Variants in ANTXR2 observed in about 807,000 individuals in gnomAD.
ANTXR2 encodes the protein ANTXR cell adhesion molecule 2, also known as anthrax toxin receptor 2.
A neutral mutation model predicts 73.7 loss-of-function variants in ANTXR2; 44 were observed. The observed-to-expected ratio is 0.60, with a 90% CI of 0.47 to 0.77. The LOEUF (loss-of-function observed/expected upper bound fraction) is 0.77, where lower values mean the gene tolerates loss of function less well. Ranked by LOEUF, ANTXR2 falls within the 30% of genes least tolerant of loss-of-function variation. The pLI is 0.00. For missense variants in ANTXR2, 604 were observed against 592.5 expected (o/e 1.02, Z -0.20); for synonymous variants, 217 against 205.9 (o/e 1.05, Z -0.46).
chr4:79,934,018 A>T (rs558599552), intron 16 of ANTXR2, among the ~76,000 whole-genome samples: 1 of 152,202 alleles, frequency 6.6e-6, no homozygotes, highest in East Asian at 1.9e-4. Context: ...GATTGCAGGC[A>T]TGAGCCATCG....
At chr4:80,040,592 C>T (rs887092783) in intron 7 of ANTXR2, among the ~76,000 whole-genome samples, 3 of 151,958 alleles carry the variant, frequency 2.0e-5, no homozygotes, top group Non-Finnish European at 4.4e-5. Context: ...ATAGCCTTAG[C>T]TGATATTAGA....
At chr4:79,978,765 TAA>T (rs1220874903) in intron 14 of ANTXR2, among the ~76,000 whole-genome samples, 1 of 152,212 alleles carries the variant, frequency 6.6e-6, no homozygotes, top group African/African-American at 2.4e-5. Context: ...AATGGGTTAA[TAA>T]GTTTCCAATT....
At chr4:79,961,655 G>A (rs1369140566) in intron 16 of ANTXR2, among the ~76,000 whole-genome samples, 1 of 152,004 alleles carries the variant, frequency 6.6e-6, no homozygotes, top group African/African-American at 2.4e-5. Flanking sequence ...GCCCAGGCTG[G>A]TCTCAAACTC....
At chr4:79,923,891 C>T (rs749523928) in intron 16 of ANTXR2, among the ~76,000 whole-genome samples, 2 of 152,130 alleles carry the variant, frequency 1.3e-5, no homozygotes, top group Non-Finnish European at 2.9e-5. Context: ...CCAAGTTATG[C>T]ATCAGGGAGG....
intron 14 of ANTXR2, 143 bp downstream of exon 14, chr4:79,983,735 A>C: frequency 1.4e-6 from 1 of 703,402 alleles, no homozygotes; most frequent in Non-Finnish European, 2.4e-6. Context: ...ATAGAAAAAA[A>C]AATGTATCCA....
At chr4:79,944,374 A>C (rs1316283818) in intron 16 of ANTXR2, among the ~76,000 whole-genome samples, 1 of 128,032 alleles carries the variant, frequency 7.8e-6, no homozygotes, top group Admixed American at 8.8e-5. Context: ...AATAATTATT[A>C]CTGTTATACT....
At chr4:79,984,698 A>G (rs1480799482) in intron 13 of ANTXR2, 121 bp downstream of exon 13, 2 of 871,914 alleles carry the variant, frequency 2.3e-6, no homozygotes, top group Admixed American at 2.1e-5. Context: ...ATTTGTATAA[A>G]TTAAAAAGTC....
chr4:80,072,658 TG>T lies in ANTXR2; in HGVS notation c.-99del. 2 of 1,338,030 alleles carry T rather than the reference TG, an allele frequency of 1.5e-6. No individual in the cohort carries two copies. The highest frequency in any genetic ancestry group is 3.9e-5 in the Admixed American group (1 of 25,946). 82.9% of individuals were successfully genotyped at this position (1,338,030 alleles called of 1,614,324 possible). ...GAGTCACCCGGCACGCACTCTGGGG[TG>T]GGGGGCGGCGAGCAGCTGAGACGCC... is the stretch of plus-strand genomic sequence containing the variant. On this transcript the variant is annotated 5_prime_UTR_variant, in exon 1 of 17. Coordinates refer to ENST00000403729, the MANE Select transcript of ANTXR2 (RefSeq NM_058172.6).
At chr4:80,025,136 T>C (rs775356286) in intron 10 of ANTXR2, among the ~76,000 whole-genome samples, 36 of 152,232 alleles carry the variant, frequency 2.4e-4, no homozygotes, top group Non-Finnish European at 4.6e-4. Flanking sequence ...CAACTGACAA[T>C]TAATAGTAAT....
intron 16 of ANTXR2, among the ~76,000 whole-genome samples, chr4:79,937,108 A>T (rs1380872131): frequency 6.6e-6 from 1 of 152,144 alleles, no homozygotes; most frequent in African/African-American, 2.4e-5. Flanking sequence ...TAAAACACTC[A>T]TAAACTTAAT....
At position 80,072,232 on chromosome 4, in the gene ANTXR2, G is replaced by C. The variant is rs1734825442; in HGVS notation, c.152+177C>G. On this transcript the variant is annotated intron_variant, in intron 1 of 16. Transcript: ENST00000403729. ...TCCAATCACTACCCCCGACCCGGCT[G>C]ATCTCCGCCCACACAGATCCGAACG... 1.3e-5 allele frequency among the ~76,000 whole-genome samples: 2 copies of C among 152,152 alleles called. 1 individual carries two copies. Among genetic ancestry groups the C allele is most frequent in the South Asian group, 4.1e-4 (2 of 4,828 alleles).
At chr4:79,982,734 T>C (rs1011350643) in intron 14 of ANTXR2, among the ~76,000 whole-genome samples, 1 of 152,172 alleles carries the variant, frequency 6.6e-6, no homozygotes, top group Non-Finnish European at 1.5e-5. Context: ...TAATTGGCAA[T>C]GAGGTATCTG....
At chr4:80,003,354 TGAACAA>T (rs1435701634) in intron 12 of ANTXR2, among the ~76,000 whole-genome samples, 1 of 130,728 alleles carries the variant, frequency 7.6e-6, no homozygotes, top group Non-Finnish European at 1.5e-5. Flanking sequence ...AGGTGGGAAT[TGAACAA>T]TGAGAACACA....
At chr4:79,979,852 G>A (rs80343779) in intron 14 of ANTXR2, among the ~76,000 whole-genome samples, 1 of 151,428 alleles carries the variant, frequency 6.6e-6, no homozygotes, top group Non-Finnish European at 1.5e-5. Flanking sequence ...CAATTTTAAG[G>A]AAAAAAAAGA....
At chr4:80,012,596 A>T (rs934240370) in intron 11 of ANTXR2, among the ~76,000 whole-genome samples, 1 of 152,158 alleles carries the variant, frequency 6.6e-6, no homozygotes. Flanking sequence ...ATATAAATCA[A>T]TGTAGAATCT....
chr4:79,975,356 G>A (rs1729582240), intron 16 of ANTXR2, among the ~76,000 whole-genome samples: 1 of 152,132 alleles, frequency 6.6e-6, no homozygotes, highest in South Asian at 2.1e-4. Flanking sequence ...AAGGGCGGAG[G>A]CTGCTGTTTG....
intron 10 of ANTXR2, among the ~76,000 whole-genome samples, chr4:80,023,417 GTATT>G (rs889361146): frequency 6.6e-6 from 1 of 152,186 alleles, no homozygotes; most frequent in Admixed American, 6.5e-5. Flanking sequence ...AATTAAATGA[GTATT>G]TATTAATTGA....
At chr4:80,038,667 A>G (rs1449388792) in intron 7 of ANTXR2, among the ~76,000 whole-genome samples, 1 of 152,058 alleles carries the variant, frequency 6.6e-6, no homozygotes, top group African/African-American at 2.4e-5. Context: ...TTCAATATTC[A>G]TAATTATTTT....
chr4:80,064,274 T>C (rs1314457080), intron 3 of ANTXR2, among the ~76,000 whole-genome samples: 1 of 152,184 alleles, frequency 6.6e-6, no homozygotes, highest in East Asian at 1.9e-4. Context: ...GAGTCATAAA[T>C]ATTTATAACT....
Sources: gnomAD v4.1 joint callset for allele counts (sites outside exome capture counted in the v4.1 genomes callset) on GRCh38, gnomAD v4.1.1 for gene constraint, MANE v1.5 for transcripts, NCBI Gene and HGNC (gene_info 2026-07-23, HGNC 2026-07-21) for gene names.